Variants in PPP6R2 observed in about 807,000 individuals in gnomAD.
The protein encoded by PPP6R2 is serine/threonine-protein phosphatase 6 regulatory subunit 2.
PPP6R2 carries 62 observed loss-of-function variants against 100.2 expected under a neutral mutation model. That is an observed-to-expected ratio of 0.62 (90% CI 0.50 to 0.76). PPP6R2 has a LOEUF of 0.76. Among genes scored for constraint, PPP6R2 ranks in the 30% least tolerant of loss-of-function variants. The pLI, the probability that PPP6R2 is intolerant of heterozygous loss-of-function variation, is 0.00. For missense variants in PPP6R2, 1,142 were observed against 1,276.3 expected (o/e 0.89, Z 1.60); for synonymous variants, 525 against 514.7 (o/e 1.02, Z -0.27).
chr22:50,350,718 G>A (rs962172814), intron 1 of PPP6R2, among the ~76,000 whole-genome samples: 5 of 151,400 alleles, frequency 3.3e-5, no homozygotes, highest in East Asian at 2.0e-4. Flanking sequence ...GGTGGTGGGC[G>A]CCTGTAGTCT....
At chr22:50,424,005 C>T (rs1313321851) in intron 10 of PPP6R2, among the ~76,000 whole-genome samples, 5 of 152,234 alleles carry the variant, frequency 3.3e-5, no homozygotes, top group Non-Finnish European at 1.5e-5. Context: ...CAGTAGAAGG[C>T]CAACCTGGCA....
chr22:50,431,292 C>T lies in PPP6R2; in HGVS notation c.1245C>T (p.Ser415=). ...GGACAGAAGCCAGCGGATCCGAGAG[C>T]AGGGTGGAGCCTCCGCATGAGAACG... The part of the protein sequence containing the change: ...EERTEASGSE[S]RVEPPHENGN... The change falls in exon 11 of 24, where the codon AGC becomes AGT. Residue 415 remains serine (S), a synonymous_variant. Transcript: ENST00000612753. This position sits in a 1 kb window ranked among gnomAD's most constrained non-coding sequence, Gnocchi z 4.8. The T allele has an allele frequency of 6.2e-7, 1 of 1,613,468 alleles. No homozygotes were observed. The highest frequency in any genetic ancestry group is 1.3e-5 in the African/African-American group (1 of 75,066).
intron 2 of PPP6R2, among the ~76,000 whole-genome samples, chr22:50,381,311 C>T (rs1195757105): frequency 1.1e-5 from 1 of 94,018 alleles, no homozygotes; most frequent in Non-Finnish European, 2.2e-5. Flanking sequence ...CACACGGGCC[C>T]CACCTCAGCA....
At position 50,394,098 on chromosome 22, in the gene PPP6R2, G is replaced by A. The variant is rs767713971; in HGVS notation, c.190G>A (p.Asp64Asn). 3 of 1,614,184 alleles carry A rather than the reference G, an allele frequency of 1.9e-6. No individual in the cohort carries two copies. The South Asian group carries it at 3.3e-5, about 18-fold the overall frequency. ...GGAGCTGGTGAGCCTCATCACACAG[G>A]ATCCGCCCCTGGACATGGAGGAGAA... The part of the protein sequence containing the change: ...MEELVSLITQ[D>N]PPLDMEEKVR... Residue 64 changes from aspartate (D) to asparagine (N), a missense_variant, in exon 3 of 24, where the codon GAT becomes AAT. By Grantham distance (23) the Asp-to-Asn change is conservative (BLOSUM62 1). Coordinates refer to ENST00000612753, the MANE Select transcript of PPP6R2 (RefSeq NM_001242898.2).
intron 22 of PPP6R2, 156 bp downstream of exon 22, chr22:50,441,182 G>C (rs1158950405): frequency 2.9e-6 from 2 of 700,498 alleles, no homozygotes; most frequent in East Asian, 2.7e-5. Flanking sequence ...TCAGAGGCTG[G>C]CTGAGGCGGC....
intron 3 of PPP6R2, among the ~76,000 whole-genome samples, chr22:50,397,621 G>A (rs1389701744): frequency 7.4e-6 from 1 of 135,502 alleles, no homozygotes; most frequent in African/African-American, 3.2e-5. Context: ...GGGGGCAGGG[G>A]GGCCTGTCCT....
In PPP6R2 at chr22:50,413,041, A is replaced by G. The variant is rs375543421; in HGVS notation, c.415-1511A>G. ...AATGGTGCGATCTTGGCTTACCGCA[A>G]TCTCCGCCTCCCAGGTTCAAGCAAT... On this transcript the variant is annotated intron_variant, in intron 4 of 23. Coordinates refer to ENST00000612753, the MANE Select transcript of PPP6R2 (RefSeq NM_001242898.2). Among the ~76,000 whole-genome samples, 29 of 147,746 alleles carry G rather than the reference A, an allele frequency of 2.0e-4. No individual in the cohort carries two copies. In the East Asian group the frequency reaches 2.4e-3, roughly 12 times the overall value.
chr22:50,339,087 GGT>G (rs1295302417), upstream of PPP6R2, among the ~76,000 whole-genome samples: 1 of 141,714 alleles, frequency 7.1e-6, no homozygotes, highest in Non-Finnish European at 1.5e-5. Context: ...TGTGGTGTGT[GGT>G]GTGTGTGGTA....
intron 1 of PPP6R2, among the ~76,000 whole-genome samples, chr22:50,371,277 G>A (rs1367755688): frequency 2.0e-5 from 3 of 152,092 alleles, no homozygotes; most frequent in Non-Finnish European, 2.9e-5. Flanking sequence ...GATCACTTGA[G>A]GGCTGTAATG....
chr22:50,340,450 T>G (rs1255827127), upstream of PPP6R2, among the ~76,000 whole-genome samples: 59 of 123,870 alleles, frequency 4.8e-4, no homozygotes, highest in African/African-American at 1.6e-3. Context: ...TGGTATGTGG[T>G]GTGTGTGTGG....
the PPP6R2 span, among the ~76,000 whole-genome samples, chr22:50,331,181 A>G: frequency 2.0e-5 from 3 of 151,916 alleles, no homozygotes; most frequent in East Asian, 1.9e-4. Flanking sequence ...AGTATTTTAT[A>G]TGATGTTTTC....
At chr22:50,396,229 G>A (rs1389863355) in intron 3 of PPP6R2, among the ~76,000 whole-genome samples, 1 of 142,524 alleles carries the variant, frequency 7.0e-6, no homozygotes, top group Non-Finnish European at 1.5e-5. Flanking sequence ...GGGTGTGGTG[G>A]CTCACACCTG....
At chr22:50,406,065 G>GAAAAGCC (rs1491381705) in intron 3 of PPP6R2, among the ~76,000 whole-genome samples, 4 of 143,440 alleles carry the variant, frequency 2.8e-5, no homozygotes, top group South Asian at 2.3e-4. Context: ...CTGGAGAGAG[G>GAAAAGCC]TGAGAGGCCT....
the PPP6R2 span, among the ~76,000 whole-genome samples, chr22:50,335,678 A>ATT: frequency 3.1e-5 from 4 of 128,978 alleles, no homozygotes; most frequent in Non-Finnish European, 1.6e-5. Flanking sequence ...CACCCAACTA[A>ATT]TTTTTTTTTT....
chr22:50,442,383 G>T (rs575024801), intron 22 of PPP6R2, among the ~76,000 whole-genome samples: 80 of 152,336 alleles, frequency 5.3e-4, no homozygotes, highest in Non-Finnish European at 1.0e-3. Context: ...TGGCCACCCT[G>T]TCTTCAGGGC....
At chr22:50,360,563 T>C (rs544885938) in intron 1 of PPP6R2, among the ~76,000 whole-genome samples, 38 of 152,234 alleles carry the variant, frequency 2.5e-4, no homozygotes, top group African/African-American at 8.4e-4. Flanking sequence ...GGGGTCTCTC[T>C]GTGTTGCTCA....
intron 13 of PPP6R2, 82 bp downstream of exon 13, chr22:50,435,163 C>A: frequency 8.3e-7 from 1 of 1,202,666 alleles, no homozygotes; most frequent in Non-Finnish European, 1.1e-6. Flanking sequence ...CTAAGCTCTG[C>A]CCGGCAGCAG....
chr22:50,414,005 C>CA (rs2060135068), intron 4 of PPP6R2, among the ~76,000 whole-genome samples: 1 of 152,250 alleles, frequency 6.6e-6, no homozygotes. Flanking sequence ...TAGCTGTCTA[C>CA]ACCTTGTTGG....
At chr22:50,408,387 T>C (rs1236099513) in intron 4 of PPP6R2, among the ~76,000 whole-genome samples, 3 of 152,154 alleles carry the variant, frequency 2.0e-5, no homozygotes, top group Non-Finnish European at 2.9e-5. Flanking sequence ...TCAGCATGCA[T>C]GTGAGTGTTC....
Sources: gnomAD v4.1 joint callset for allele counts (sites outside exome capture counted in the v4.1 genomes callset) on GRCh38, gnomAD v4.1.1 for gene constraint, Gnocchi (gnomAD v3.1) non-coding constraint, MANE v1.5 for transcripts, NCBI Gene and HGNC (gene_info 2026-07-23, HGNC 2026-07-21) for gene names.